GINM1: variants seen among roughly 807,000 people sequenced by gnomAD.
GINM1 encodes the protein glycosylated integral membrane protein 1.
In GINM1, 29 loss-of-function variants were observed where a neutral mutation model predicts 37.8. That is an observed-to-expected ratio of 0.77 (90% CI 0.57 to 1.05). GINM1 has a LOEUF of 1.05. Among genes scored for constraint, GINM1 ranks in the 50% least tolerant of loss-of-function variants. GINM1 has a pLI of 0.00. For synonymous variants in GINM1, 143 were observed against 146.2 expected, an observed-to-expected ratio of 0.98 and a Z score of 0.16; for missense variants, 377 against 397.9, an observed-to-expected ratio of 0.95 and a Z score of 0.45.
intron 1 of GINM1, among the ~76,000 whole-genome samples, chr6:149,569,375 C>T (rs953292613): frequency 7.1e-6 from 1 of 140,842 alleles, no homozygotes; most frequent in Non-Finnish European, 1.5e-5. Flanking sequence ...CTCGCTCTGT[C>T]CCCCATCCTG....
In GINM1 at chr6:149,572,614, C is replaced by G; in HGVS notation, c.277+11C>G. 7.2e-7 allele frequency: 1 copy of G among 1,395,912 alleles called. No homozygotes were observed. 86.5% of individuals were successfully genotyped at this position (1,395,912 alleles called of 1,614,324 possible). On this transcript the variant is annotated intron_variant, in intron 3 of 7. Transcript: ENST00000367419. Reference sequence around the variant, plus strand: ...GTCAGACTTTGATAGGTGAGTATTACTAAATTATTTCCATAATTGCTCTGT... The same window carrying G: ...GTCAGACTTTGATAGGTGAGTATTAGTAAATTATTTCCATAATTGCTCTGT...
In GINM1 at chr6:149,580,725, T is replaced by C; in HGVS notation, c.717+2T>C. On this transcript the variant is annotated splice_donor_variant, in intron 6 of 7. Coordinates refer to ENST00000367419, the MANE Select transcript of GINM1 (RefSeq NM_138785.5). LOFTEE classifies it high-confidence loss of function. ...GCAGAGCCGCCATCTTCATATAAGGTAAATCAAGTATTTGGTGTTATCATA... is the reference window on the plus strand; with the variant it reads ...GCAGAGCCGCCATCTTCATATAAGGCAAATCAAGTATTTGGTGTTATCATA... 1 of 1,607,614 alleles carries C rather than the reference T, an allele frequency of 6.2e-7. No individual in the cohort carries two copies. Among genetic ancestry groups the C allele is most frequent in the South Asian group, 1.1e-5 (1 of 90,978 alleles).
chr6:149,584,079 G>A (rs767233120), intron 7 of GINM1, among the ~76,000 whole-genome samples: 37 of 152,144 alleles, frequency 2.4e-4, no homozygotes, highest in Middle Eastern at 3.4e-3. Flanking sequence ...GGGTTCAAGC[G>A]ATTCTCCTGC....
chr6:149,591,549 G>C lies in GINM1; in HGVS notation c.*711G>C, dbSNP rs1778155101. The C allele has an allele frequency of 6.6e-6, 1 of 151,930 alleles. No individual in the cohort carries two copies. 9.4% of individuals were successfully genotyped at this position (151,930 alleles called of 1,614,324 possible). ...ATAAAATTCTAATTTAAAAGGTCAA[G>C]AACTTAACACTTATTTTTTTATTCA... On this transcript the variant is annotated 3_prime_UTR_variant, in exon 8 of 8. Transcript: ENST00000367419.
intron 7 of GINM1, among the ~76,000 whole-genome samples, chr6:149,583,491 G>A (rs1224862050): frequency 1.3e-5 from 2 of 151,634 alleles, no homozygotes; most frequent in South Asian, 2.1e-4. Context: ...CTAGCTGGGC[G>A]TGTGGCACCC....
At chr6:149,572,259 C>T in intron 1 of GINM1, 26 bp from the exon 2 acceptor site, 1 of 1,477,544 alleles carries the variant, frequency 6.8e-7, no homozygotes, top group Non-Finnish European at 9.3e-7. Context: ...GCACACCTTC[C>T]AATTTACACA....
chr6:149,572,651 TTG>T, intron 3 of GINM1, 48 bp downstream of exon 3: 1 of 952,014 alleles, frequency 1.1e-6, no homozygotes, highest in Non-Finnish European at 1.7e-6. Flanking sequence ...TTTTGTGTGT[TTG>T]TTGTTGTTGT....
chr6:149,587,803 C>A (rs1370169681), intron 7 of GINM1, among the ~76,000 whole-genome samples: 1 of 152,202 alleles, frequency 6.6e-6, no homozygotes, highest in Non-Finnish European at 1.5e-5. Context: ...ACCCCGTTCC[C>A]TTCCCCAAGG....
At chr6:149,587,887 C>T (rs1778096985) in intron 7 of GINM1, among the ~76,000 whole-genome samples, 1 of 152,180 alleles carries the variant, frequency 6.6e-6, no homozygotes, top group Non-Finnish European at 1.5e-5. Context: ...CCAGGATCCC[C>T]CAGCCATCAG....
At chr6:149,574,353 A>C (rs549178816) in intron 3 of GINM1, among the ~76,000 whole-genome samples, 17 of 151,862 alleles carry the variant, frequency 1.1e-4, no homozygotes, top group African/African-American at 3.9e-4. Context: ...TGCCCGGCCC[A>C]CTTGTTGTTT....
rs1233044204 is a variant in GINM1, at chr6:149,570,197, T to TAA, written c.121-2086_121-2085dup. On this transcript the variant is annotated intron_variant, in intron 1 of 7. Coordinates refer to ENST00000367419, the MANE Select transcript of GINM1 (RefSeq NM_138785.5). Reference sequence around the variant, plus strand: ...ATATATATATATATATATATATATATAAAGTTCAGTAACTTGCTAACAATA... The same window carrying TAA: ...ATATATATATATATATATATATATATAAAAAGTTCAGTAACTTGCTAACAATA... Among the ~76,000 whole-genome samples the TAA allele has an allele frequency of 2.1e-4, 21 of 100,638 alleles. 1 individual carries two copies. Among genetic ancestry groups the TAA allele is most frequent in the Non-Finnish European group, 3.4e-4 (17 of 49,302 alleles). The allele number at this position is 100,638 out of a possible 152,430, so 66.0% of individuals were successfully genotyped here.
intron 1 of GINM1, among the ~76,000 whole-genome samples, chr6:149,569,142 TC>T (rs1290107649): frequency 6.6e-6 from 1 of 152,126 alleles, no homozygotes; most frequent in Non-Finnish European, 1.5e-5. Flanking sequence ...CAAGTGATTC[TC>T]CTGCCTCAGC....
chr6:149,574,453 C>T (rs1028415981), intron 3 of GINM1, among the ~76,000 whole-genome samples: 2 of 152,294 alleles, frequency 1.3e-5, no homozygotes, highest in East Asian at 1.9e-4. Context: ...TTCTTGTTTC[C>T]TCTTTGTCCC....
intron 7 of GINM1, among the ~76,000 whole-genome samples, chr6:149,589,241 C>T (rs1778117433): frequency 6.6e-6 from 1 of 151,962 alleles, no homozygotes; most frequent in Admixed American, 6.6e-5. Context: ...GCCACTGTGC[C>T]CAGCCATTAT....
chr6:149,583,617 AACT>A, intron 7 of GINM1, among the ~76,000 whole-genome samples: 1 of 151,190 alleles, frequency 6.6e-6, no homozygotes, highest in South Asian at 2.1e-4. Flanking sequence ...AAACGAGCAA[AACT>A]CCCTCTCGAA....
At position 149,579,948 on chromosome 6, in the gene GINM1, G is replaced by A. The variant is rs752928540; in HGVS notation, c.544G>A (p.Asp182Asn). The change falls in exon 5 of 8, where the codon GAC becomes AAC. Residue 182 changes from aspartate (D) to asparagine (N), a missense_variant. By Grantham distance (23) the Asp-to-Asn change is conservative. Coordinates refer to ENST00000367419, the MANE Select transcript of GINM1 (RefSeq NM_138785.5). The part of the protein sequence containing the change: ...EESMLYSISR[D>N]SDILFTLPNL... ...AAGCATGCTCTACTCTATTTCTCGAGACAGTGACATTTTATTTACCCTTCC... is the reference window on the plus strand; with the variant it reads ...AAGCATGCTCTACTCTATTTCTCGAAACAGTGACATTTTATTTACCCTTCC... 1.9e-6 allele frequency: 3 copies of A among 1,610,020 alleles called. No individual in the cohort carries two copies. In the Admixed American group the frequency reaches 5.0e-5, roughly 27 times the overall value.
chr6:149,570,257 T>C (rs1777798409), intron 1 of GINM1, among the ~76,000 whole-genome samples: 2 of 143,534 alleles, frequency 1.4e-5, no homozygotes, highest in Admixed American at 7.2e-5. Context: ...AGCTATAAAA[T>C]GGTTTCCTAG....
rs1562268824 is a variant in GINM1 at position 149,566,538 on chromosome 6, G to C, written c.120+4G>C. 5 of 1,508,158 alleles carry C rather than the reference G, an allele frequency of 3.3e-6. No homozygotes were observed. The highest frequency in any genetic ancestry group is 4.4e-6 in the Non-Finnish European group (5 of 1,134,466). 93.4% of individuals were successfully genotyped at this position (1,508,158 alleles called of 1,614,324 possible). On this transcript the variant is annotated splice_donor_region_variant and intron_variant, in intron 1 of 7. Transcript: ENST00000367419. This position sits in a 1 kb window ranked among gnomAD's most constrained non-coding sequence, Gnocchi z 4.4. The stretch of plus-strand genomic sequence containing the variant: ...GCCGCTGTCCGGAGCCCCACAGGTA[G>C]GGCAGGGCGGGCCTGGCTGGCCGCT...
In GINM1 at chr6:149,584,046, G is replaced by A. The variant is rs139512290; in HGVS notation, c.881+1443G>A. Among the ~76,000 whole-genome samples, 883 of 152,114 alleles carry A rather than the reference G, an allele frequency of 5.8e-3. 5 individuals carry two copies. Among genetic ancestry groups the A allele is most frequent in the Middle Eastern group, 0.027 (8 of 294 alleles). On this transcript the variant is annotated intron_variant, in intron 7 of 7. Coordinates refer to ENST00000367419, the MANE Select transcript of GINM1 (RefSeq NM_138785.5). The stretch of plus-strand genomic sequence containing the variant: ...GCTGGAGTGCAGTGGCATGATCTTG[G>A]CTCACTGCAACCTCCGCCTCCTGGG...
Sources: gnomAD v4.1 joint callset for allele counts (sites outside exome capture counted in the v4.1 genomes callset) on GRCh38, gnomAD v4.1.1 for gene constraint, Gnocchi (gnomAD v3.1) non-coding constraint, MANE v1.5 for transcripts, NCBI Gene and HGNC (gene_info 2026-07-23, HGNC 2026-07-21) for gene names.